The following CAMTA1 variants were observed in gnomAD, a reference collection of about 807,000 sequenced individuals.
CAMTA1 encodes calmodulin-binding transcription activator 1.
In CAMTA1, 27 loss-of-function variants were observed where a neutral mutation model predicts 170.9. The ratio of observed to expected loss-of-function variants is 0.16; its 90% confidence interval spans 0.12 to 0.22. The LOEUF (loss-of-function observed/expected upper bound fraction) is 0.22, where lower values mean the gene tolerates loss of function less well. CAMTA1 is among the 10% of genes least tolerant of loss of function. The probability of loss-of-function intolerance (pLI) is 1.00; values close to 1 mark genes in which losing one functional copy is unlikely to be tolerated. For missense variants in CAMTA1, 1,619 were observed against 2,217.2 expected, an observed-to-expected ratio of 0.73 and a Z score of 5.42; for synonymous variants, 833 against 891.5, an observed-to-expected ratio of 0.93 and a Z score of 1.17.
intron 11 of CAMTA1, among the ~76,000 whole-genome samples, chr1:7,721,204 C>T (rs74371259): frequency 6.6e-6 from 1 of 152,100 alleles, no homozygotes; most frequent in Non-Finnish European, 1.5e-5. Flanking sequence ...ACTGTTAGGA[C>T]CCAGGGCAAA....
At chr1:7,599,537 G>A (rs1227614511) in intron 6 of CAMTA1, among the ~76,000 whole-genome samples, 1 of 152,150 alleles carries the variant, frequency 6.6e-6, no homozygotes, top group Non-Finnish European at 1.5e-5. Flanking sequence ...GGGGAGTATG[G>A]CCATTTTCAT....
intron 6 of CAMTA1, among the ~76,000 whole-genome samples, chr1:7,478,611 G>A (rs966168895): frequency 4.6e-5 from 7 of 152,194 alleles, no homozygotes; most frequent in Admixed American, 1.3e-4. Flanking sequence ...TCCTTCCGTC[G>A]GCAGAGGGGT....
rs576701474 is a variant in CAMTA1 at position 7,158,019 on chromosome 1, C to T, written c.302+66648C>T. Among the ~76,000 whole-genome samples, 26 of 152,148 alleles carry T rather than the reference C, an allele frequency of 1.7e-4. No homozygotes were observed. The South Asian group carries it at 5.0e-3, about 29-fold the overall frequency. Reference sequence around the variant, plus strand: ...CTAAAAATACAAAAGATTAGCCAGGCGTGGTGGTGGGCGCCTGTAGTCCCA... The same window carrying T: ...CTAAAAATACAAAAGATTAGCCAGGTGTGGTGGTGGGCGCCTGTAGTCCCA... On this transcript the variant is annotated intron_variant, in intron 4 of 22. Transcript: ENST00000303635.
chr1:6,858,491 G>GGGT (rs1553166713), intron 3 of CAMTA1, among the ~76,000 whole-genome samples: 1 of 146,212 alleles, frequency 6.8e-6, no homozygotes, highest in Non-Finnish European at 1.5e-5. Flanking sequence ...TGTGTTGGGG[G>GGGT]GGGGGTGTTG....
chr1:7,386,174 G>A (rs140120542), intron 5 of CAMTA1, among the ~76,000 whole-genome samples: 77 of 152,320 alleles, frequency 5.1e-4, no homozygotes, highest in East Asian at 5.8e-4. Context: ...TTTTGAGCCC[G>A]TCTTTTCATC....
At chr1:7,342,217 A>G (rs1454355359) in intron 5 of CAMTA1, among the ~76,000 whole-genome samples, 10 of 152,166 alleles carry the variant, frequency 6.6e-5, no homozygotes, top group African/African-American at 1.9e-4. Context: ...CTGCACCCAC[A>G]TGACCTCAGA....
intron 6 of CAMTA1, among the ~76,000 whole-genome samples, chr1:7,471,523 C>T (rs1351101652): frequency 6.6e-6 from 1 of 152,252 alleles, no homozygotes; most frequent in Admixed American, 6.5e-5. Context: ...CTCTGTGTCA[C>T]AGCTGACAGG....
At chr1:7,692,367 A>T (rs2096325743) in intron 11 of CAMTA1, among the ~76,000 whole-genome samples, 3 of 152,056 alleles carry the variant, frequency 2.0e-5, no homozygotes, top group Non-Finnish European at 4.4e-5. Context: ...CCCTCTCTCT[A>T]GGCCTCAGAG....
In CAMTA1 at chr1:7,276,295, ATATATATATTTTTTTT is replaced by A. The variant is rs1431888968; in HGVS notation, c.438+26671_438+26686del. Among the ~76,000 whole-genome samples the A allele has an allele frequency of 1.3e-3, 28 of 21,262 alleles. No individual in the cohort carries two copies. The Admixed American group carries it at 0.016, about 12-fold the overall frequency. The allele number at this position is 21,262 out of a possible 152,430, so 13.9% of individuals were successfully genotyped here. ...CACCTGATCATATATATATATATAT[ATATATATATTTTTTTT>A]TTTTTTTTTTCTTTTTGAGACAGAA... On this transcript the variant is annotated intron_variant, in intron 5 of 22. Transcript: ENST00000303635.
At chr1:7,683,759 C>T (rs1172137215) in intron 11 of CAMTA1, among the ~76,000 whole-genome samples, 4 of 152,236 alleles carry the variant, frequency 2.6e-5, no homozygotes, top group African/African-American at 7.2e-5. Context: ...GGGCCCTCCT[C>T]GTAACCCGTC....
intron 6 of CAMTA1, among the ~76,000 whole-genome samples, chr1:7,568,615 TCATCACCATCA>T (rs1446354825): frequency 1.4e-5 from 2 of 145,156 alleles, no homozygotes; most frequent in Non-Finnish European, 3.0e-5. Flanking sequence ...ATCACCATCA[TCATCACCATCA>T]CATCACCATC....
chr1:6,964,545 A>G (rs1242974551), intron 3 of CAMTA1, among the ~76,000 whole-genome samples: 1 of 152,136 alleles, frequency 6.6e-6, no homozygotes. Context: ...TGGAGAAAGC[A>G]TATTTCTGGT....
chr1:7,058,844 T>C (rs1225037644), intron 3 of CAMTA1, among the ~76,000 whole-genome samples: 1 of 151,804 alleles, frequency 6.6e-6, no homozygotes, highest in Non-Finnish European at 1.5e-5. Context: ...CTAAAGCTAG[T>C]CTAAAGAATG....
intron 6 of CAMTA1, among the ~76,000 whole-genome samples, chr1:7,550,411 C>T (rs1055963860): frequency 3.9e-5 from 6 of 151,956 alleles, no homozygotes; most frequent in African/African-American, 1.5e-4. Context: ...AGCCCAGGGC[C>T]TCCCACTGCC....
At chr1:6,815,763 A>T (rs1030532641) in intron 1 of CAMTA1, among the ~76,000 whole-genome samples, 1 of 152,190 alleles carries the variant, frequency 6.6e-6, no homozygotes, top group African/African-American at 2.4e-5. Context: ...AGGTGTGGCC[A>T]TTAATTGCAG....
intron 3 of CAMTA1, among the ~76,000 whole-genome samples, chr1:7,001,303 G>A (rs79687984): frequency 0.019 from 2,884 of 152,236 alleles, 44 homozygotes; most frequent in Middle Eastern, 0.037. Context: ...TGCTCTCTAC[G>A]TATTTGTCAA....
intron 6 of CAMTA1, among the ~76,000 whole-genome samples, chr1:7,519,087 A>G (rs940795554): frequency 6.6e-6 from 1 of 152,094 alleles, no homozygotes; most frequent in Admixed American, 6.5e-5. Context: ...GGAAGAAAAA[A>G]TGTTAATATG....
At chr1:7,148,871 G>C (rs973050870) in intron 4 of CAMTA1, among the ~76,000 whole-genome samples, 2 of 152,248 alleles carry the variant, frequency 1.3e-5, no homozygotes, top group African/African-American at 4.8e-5. Flanking sequence ...GCTTCTCCCA[G>C]CTCAGTTGTG....
In CAMTA1 at chr1:7,738,418, A is replaced by G; in HGVS notation, c.4118A>G (p.Glu1373Gly). ...GCTAACAGAGAGGTGGTGAATACAG[A>G]GCTGGGGTCCTACCGTGATAGTGCA... The part of the protein sequence containing the change: ...MMANREVVNT[E>G]LGSYRDSAEN... Residue 1373 changes from glutamate to glycine, a missense_variant, in exon 16 of 23, where the codon GAG (glutamate) becomes GGG (glycine). Transcript: ENST00000303635. The surrounding 1 kb of genome is among the most constrained non-coding windows in gnomAD (Gnocchi z 4.9). 1 of 1,614,184 alleles carries G rather than the reference A, an allele frequency of 6.2e-7. No homozygotes were observed. Among genetic ancestry groups the G allele is most frequent in the South Asian group, 1.1e-5 (1 of 91,082 alleles).
Sources: gnomAD v4.1 joint callset for allele counts (sites outside exome capture counted in the v4.1 genomes callset) on GRCh38, gnomAD v4.1.1 for gene constraint, Gnocchi (gnomAD v3.1) non-coding constraint, MANE v1.5 for transcripts, NCBI Gene and HGNC (gene_info 2026-07-23, HGNC 2026-07-21) for gene names.